PCDHA2: variants seen among roughly 807,000 people sequenced by gnomAD.
The protein encoded by PCDHA2 is protocadherin alpha 2, also known as protocadherin alpha-2.
In PCDHA2, 58 loss-of-function variants were observed where a neutral mutation model predicts 66.0. The observed-to-expected ratio is 0.88, with a 90% CI of 0.71 to 1.09. The LOEUF is 1.09. Among genes scored for constraint, PCDHA2 ranks in the 50% least tolerant of loss-of-function variants. The probability of loss-of-function intolerance (pLI) is 0.00; values close to 1 mark genes in which losing one functional copy is unlikely to be tolerated. For missense variants in PCDHA2, 1,267 were observed against 1,242.3 expected (o/e 1.02, Z -0.30); for synonymous variants, 634 against 554.0 (o/e 1.14, Z -2.03).
chr5:140,840,189 G>A (rs2150304475), intron 1 of PCDHA2, among the ~76,000 whole-genome samples: 23 of 152,082 alleles, frequency 1.5e-4, no homozygotes, highest in African/African-American at 5.3e-4. Context: ...AATATGGTAG[G>A]CAAAGGAAAA....
chr5:140,915,373 C>T (rs1234241584), intron 1 of PCDHA2, among the ~76,000 whole-genome samples: 12 of 152,126 alleles, frequency 7.9e-5, no homozygotes, highest in African/African-American at 2.2e-4. Flanking sequence ...GTAAGTGTCT[C>T]GGCATTGAAG....
chr5:140,944,664 T>A (rs2093679523), intron 1 of PCDHA2, among the ~76,000 whole-genome samples: 1 of 152,202 alleles, frequency 6.6e-6, no homozygotes, highest in South Asian at 2.1e-4. Context: ...ACCCCTTATT[T>A]ATCTATTCTG....
chr5:140,876,370 G>A, intron 1 of PCDHA2: 1 of 1,613,946 alleles, frequency 6.2e-7, no homozygotes, highest in Non-Finnish European at 8.5e-7. Flanking sequence ...TCCAGACACA[G>A]GTGAAATTAG....
At chr5:140,884,530 G>A in intron 1 of PCDHA2, 1 of 1,614,062 alleles carries the variant, frequency 6.2e-7, no homozygotes, top group South Asian at 1.1e-5. Context: ...CGCAGCAGAG[G>A]CGGCCGAGGG....
chr5:140,835,509 G>A, intron 1 of PCDHA2: 1 of 1,613,944 alleles, frequency 6.2e-7, no homozygotes, highest in Non-Finnish European at 8.5e-7. Context: ...TAGCGTGTTT[G>A]ACCGAGATTT....
chr5:140,841,586 C>T (rs1327577851), intron 1 of PCDHA2: 1 of 1,614,026 alleles, frequency 6.2e-7, no homozygotes, highest in Non-Finnish European at 8.5e-7. Flanking sequence ...TGTGAATTCT[C>T]GGATCGACCG....
intron 1 of PCDHA2, chr5:140,851,022 TA>T: frequency 7.0e-7 from 1 of 1,428,364 alleles, no homozygotes; most frequent in Non-Finnish European, 9.2e-7. Flanking sequence ...TCTGATAAAG[TA>T]AACCCCTTAA....
chr5:140,867,664 C>T (rs2050091732), intron 1 of PCDHA2: 1 of 152,076 alleles, frequency 6.6e-6, no homozygotes, highest in African/African-American at 2.4e-5. Flanking sequence ...TCACTTTCTA[C>T]TCTAAAATTT....
intron 1 of PCDHA2, chr5:140,828,480 C>A (rs2150155804): frequency 6.2e-7 from 1 of 1,614,198 alleles, no homozygotes; most frequent in African/African-American, 1.3e-5. Context: ...AACGACAACC[C>A]GCCCTTGTTC....
rs2150154033 is a variant in PCDHA2, at chr5:140,828,324, A to C, written c.2388+30972A>C. ...GACCGCGAGGACCTTCTGGAGGTAA[A>C]TCTGCAGAATGGCATTTTGTTTGTG... On this transcript the variant is annotated intron_variant, in intron 1 of 3. Transcript: ENST00000526136. The C allele has an allele frequency of 3.7e-6, 6 of 1,614,194 alleles. No homozygotes were observed. In the South Asian group the frequency reaches 6.6e-5, roughly 18 times the overall value.
At chr5:140,830,537 G>C (rs886492362) in intron 1 of PCDHA2, 1 of 1,226,260 alleles carries the variant, frequency 8.2e-7, no homozygotes, top group African/African-American at 1.6e-5. Flanking sequence ...ATTTATAATT[G>C]TTTTCCTCAT....
intron 1 of PCDHA2, among the ~76,000 whole-genome samples, chr5:140,839,382 TGA>T (rs1562376295): frequency 0.03 from 2 of 66 alleles, no homozygotes; most frequent in South Asian, 0.071. Flanking sequence ...TCAATTATTA[TGA>T]TGATGATGAT....
intron 3 of PCDHA2, among the ~76,000 whole-genome samples, chr5:140,991,929 C>T (rs1250639930): frequency 1.3e-5 from 2 of 152,088 alleles, no homozygotes; most frequent in South Asian, 2.1e-4. Flanking sequence ...ATAACATATT[C>T]ACAAGTTCTA....
chr5:140,980,628 CAGA>C (rs1554242055), intron 2 of PCDHA2, among the ~76,000 whole-genome samples: 1 of 150,868 alleles, frequency 6.6e-6, no homozygotes, highest in Non-Finnish European at 1.5e-5. Flanking sequence ...GACTCTGTCT[CAGA>C]AGAATAAATA....
In PCDHA2 at chr5:140,968,804, G is replaced by T. The variant is rs147800392; in HGVS notation, c.2389-10145G>T. ...AGCCTCTGTGGCCATTACAGTAGCT[G>T]TGGTGGATAGGGTTTCCAAAATCCT... On this transcript the variant is annotated intron_variant, in intron 1 of 3. Transcript: ENST00000526136. 703 of 1,614,106 alleles carry T rather than the reference G, an allele frequency of 4.4e-4. No homozygotes were observed. The highest frequency in any genetic ancestry group is 5.7e-4 in the Non-Finnish European group (677 of 1,180,052).
Position 140,823,821 on chromosome 5 carries a change from G to A in PCDHA2, c.2388+26469G>A, listed in dbSNP as rs1386534118. On this transcript the variant is annotated intron_variant, in intron 1 of 3. Transcript: ENST00000526136. ...CGCCGAAGGCCTCATCGCGGGCGTC[G>A]GCGGGCGCTGTGGGTCCCGAGGCTG... 6 of 1,613,682 alleles carry A rather than the reference G, an allele frequency of 3.7e-6. No homozygotes were observed. In the African/African-American group the frequency reaches 4.0e-5, roughly 11 times the overall value.
chr5:140,967,287 A>G (rs1458692984), intron 1 of PCDHA2: 1 of 1,612,826 alleles, frequency 6.2e-7, no homozygotes, highest in Non-Finnish European at 8.5e-7. Flanking sequence ...AGTGCGCAGG[A>G]CCCCGACGTG....
intron 1 of PCDHA2, chr5:140,807,991 T>C (rs782125589): frequency 6.2e-7 from 1 of 1,613,604 alleles, no homozygotes; most frequent in Admixed American, 1.7e-5. Flanking sequence ...ACGCCTCAGA[T>C]TTAGACGAAG....
Position 141,010,329 on chromosome 5 carries a change from G to A in PCDHA2, c.*392G>A. The A allele has an allele frequency of 6.5e-7, 1 of 1,538,672 alleles. No individual in the cohort carries two copies. Among genetic ancestry groups the A allele is most frequent in the Non-Finnish European group, 8.8e-7 (1 of 1,142,532 alleles). On this transcript the variant is annotated 3_prime_UTR_variant, in exon 4 of 4. Transcript: ENST00000526136. ...AGTTTTGAGATTGAGCAGCTTGGGA[G>A]TTTGTGGCCACTGGGTATGTGTGGC...
Sources: allele counts gnomAD v4.1 joint callset (sites outside exome capture counted in the v4.1 genomes callset), GRCh38; gene constraint gnomAD v4.1.1; transcripts MANE v1.5; gene names NCBI Gene and HGNC (gene_info 2026-07-23, HGNC 2026-07-21).